Variants in CYP4X1 observed in about 807,000 individuals in gnomAD.
CYP4X1 encodes cytochrome P450 family 4 subfamily X member 1.
CYP4X1 carries 44 observed loss-of-function variants against 57.9 expected under a neutral mutation model. That is an observed-to-expected ratio of 0.76 (90% CI 0.60 to 0.98). CYP4X1 has a LOEUF of 0.98. Among genes scored for constraint, CYP4X1 ranks in the 50% least tolerant of loss-of-function variants. CYP4X1 has a pLI of 0.00. For synonymous variants in CYP4X1, 227 were observed against 228.6 expected (o/e 0.99, Z 0.06); for missense variants, 532 against 623.9 (o/e 0.85, Z 1.57).
the CYP4X1 span, among the ~76,000 whole-genome samples, chr1:47,003,645 C>A: frequency 6.6e-6 from 1 of 152,092 alleles, no homozygotes; most frequent in South Asian, 2.1e-4. Context: ...AAGCCAGGAG[C>A]AAGAGAGAGA....
chr1:47,013,055 C>T, the CYP4X1 span, among the ~76,000 whole-genome samples: 3 of 151,718 alleles, frequency 2.0e-5, no homozygotes, highest in Non-Finnish European at 2.9e-5. Context: ...GTCACCATAC[C>T]GTTTTCTCGA....
At chr1:47,052,781 A>T (rs1379175535), downstream of CYP4X1, among the ~76,000 whole-genome samples, 1 of 122,404 alleles carries the variant, frequency 8.2e-6, no homozygotes, top group Admixed American at 8.1e-5. Context: ...TCCTAAATAA[A>T]TAAACAAACA....
At chr1:47,013,394 T>C in the CYP4X1 span, among the ~76,000 whole-genome samples, 1 of 152,166 alleles carries the variant, frequency 6.6e-6, no homozygotes, top group African/African-American at 2.4e-5. Context: ...AAAGCGGAAA[T>C]AGTGAGGCCT....
chr1:46,998,562 TG>T, the CYP4X1 span, among the ~76,000 whole-genome samples: 5 of 152,236 alleles, frequency 3.3e-5, no homozygotes, highest in Non-Finnish European at 7.3e-5. Context: ...TTTCTTTTGC[TG>T]TGGAGAAGAT....
the CYP4X1 span, among the ~76,000 whole-genome samples, chr1:46,985,783 T>C: frequency 1.3e-5 from 2 of 152,332 alleles, no homozygotes; most frequent in Admixed American, 1.3e-4. Flanking sequence ...GACGCTTTAC[T>C]GTTAGAAGGA....
At chr1:47,022,485 T>TG (rs1376853048), upstream of CYP4X1, among the ~76,000 whole-genome samples, 1 of 151,942 alleles carries the variant, frequency 6.6e-6, no homozygotes, top group Non-Finnish European at 1.5e-5. Context: ...GAGATGGGGT[T>TG]TCACCATCTT....
intron 8 of CYP4X1, 43 bp downstream of exon 8, chr1:47,039,575 G>T (rs779787965): frequency 9.8e-6 from 15 of 1,523,684 alleles, no homozygotes; most frequent in Middle Eastern, 2.2e-4. Flanking sequence ...TTTTCCCCCT[G>T]AGATTTTGCT....
At chr1:47,018,775 T>C (rs1643968168), upstream of CYP4X1, among the ~76,000 whole-genome samples, 1 of 151,986 alleles carries the variant, frequency 6.6e-6, no homozygotes, top group Admixed American at 6.6e-5. Flanking sequence ...GAGTTCCAAT[T>C]AGGAAAAACG....
At chr1:47,034,501 A>G (rs1476912441) in intron 4 of CYP4X1, among the ~76,000 whole-genome samples, 1 of 152,176 alleles carries the variant, frequency 6.6e-6, no homozygotes, top group Non-Finnish European at 1.5e-5. Context: ...AAACAAAGAC[A>G]AAGTTTTCCT....
chr1:47,026,822 A>T (rs1377136532), intron 1 of CYP4X1, among the ~76,000 whole-genome samples: 1 of 151,928 alleles, frequency 6.6e-6, no homozygotes, highest in Non-Finnish European at 1.5e-5. Flanking sequence ...GATTCAAGCG[A>T]TTCTCCTGCC....
the CYP4X1 span, among the ~76,000 whole-genome samples, chr1:47,015,357 CT>C: frequency 6.6e-6 from 1 of 152,210 alleles, no homozygotes; most frequent in Admixed American, 6.5e-5. Context: ...GTTCCTAAGT[CT>C]TTTAACAGCT....
At chr1:47,020,367 A>G (rs890095204), upstream of CYP4X1, among the ~76,000 whole-genome samples, 12 of 152,192 alleles carry the variant, frequency 7.9e-5, no homozygotes, top group African/African-American at 2.9e-4. Context: ...CTCAATAAAT[A>G]TTCACTCAGT....
intron 8 of CYP4X1, 167 bp downstream of exon 8, chr1:47,039,699 T>C: frequency 2.3e-6 from 1 of 428,086 alleles, no homozygotes; most frequent in Non-Finnish European, 3.9e-6. Context: ...AATTATTCTC[T>C]TGTCTTTCAG....
At chr1:47,022,113 A>G (rs1298554315), upstream of CYP4X1, among the ~76,000 whole-genome samples, 1 of 152,110 alleles carries the variant, frequency 6.6e-6, no homozygotes, top group Non-Finnish European at 1.5e-5. Context: ...AAGCCAGAGG[A>G]TTCTGAGACC....
chr1:47,021,142 CAAAAAAAAA>C (rs546594827), upstream of CYP4X1, among the ~76,000 whole-genome samples: 14 of 47,464 alleles, frequency 2.9e-4, 1 homozygote, highest in South Asian at 0.018. Context: ...GCAGGAATGC[CAAAAAAAAA>C]AAAAAAAAAA....
the CYP4X1 span, among the ~76,000 whole-genome samples, chr1:47,010,191 C>A: frequency 6.6e-6 from 1 of 152,162 alleles, no homozygotes; most frequent in African/African-American, 2.4e-5. Flanking sequence ...AATCCAGCAG[C>A]ACATCAAAAA....
intron 8 of CYP4X1, among the ~76,000 whole-genome samples, chr1:47,043,212 T>A (rs1224421461): frequency 6.6e-6 from 1 of 152,230 alleles, no homozygotes; most frequent in Non-Finnish European, 1.5e-5. Flanking sequence ...TCATTAGTGA[T>A]GTTGAGCATT....
the CYP4X1 span, among the ~76,000 whole-genome samples, chr1:47,010,146 G>A: frequency 1.3e-5 from 2 of 151,996 alleles, no homozygotes; most frequent in African/African-American, 2.4e-5. Context: ...GATGAACATC[G>A]ATGCAAAAAT....
At chr1:46,986,239 T>A in the CYP4X1 span, among the ~76,000 whole-genome samples, 1 of 152,006 alleles carries the variant, frequency 6.6e-6, no homozygotes, top group Non-Finnish European at 1.5e-5. Context: ...GTATCAATAG[T>A]TGAATCAATC....
Sources: gnomAD v4.1 joint callset for allele counts (sites outside exome capture counted in the v4.1 genomes callset) on GRCh38, gnomAD v4.1.1 for gene constraint, MANE v1.5 for transcripts, NCBI Gene and HGNC (gene_info 2026-07-23, HGNC 2026-07-21) for gene names.